Variants in PPFIA2 observed in about 807,000 individuals in gnomAD.
PPFIA2 encodes the protein liprin-alpha-2.
Under a neutral mutation model 175.5 loss-of-function variants are expected in PPFIA2, and 46 were observed. That is an observed-to-expected ratio of 0.26 (90% confidence interval 0.21 to 0.34). The LOEUF (loss-of-function observed/expected upper bound fraction) is 0.34. Ranked by LOEUF, PPFIA2 falls within the 10% of genes least tolerant of loss-of-function variation. The pLI is 1.00. For synonymous variants in PPFIA2, 568 were observed against 511.4 expected, an observed-to-expected ratio of 1.11 and a Z score of -1.49; for missense variants, 1,179 against 1,506.1, an observed-to-expected ratio of 0.78 and a Z score of 3.60.
intron 4 of PPFIA2, among the ~76,000 whole-genome samples, chr12:81,568,446 C>T (rs1254773170): frequency 6.6e-6 from 1 of 152,174 alleles, no homozygotes; most frequent in Non-Finnish European, 1.5e-5. Context: ...TTAGACTTTC[C>T]TTAGCTAAGC....
intron 24 of PPFIA2, chr12:81,292,554 T>C (rs1402764873): frequency 1.3e-5 from 2 of 152,154 alleles, no homozygotes; most frequent in Non-Finnish European, 2.9e-5. Context: ...CCTATGATTT[T>C]CTTAATAATA....
chr12:81,363,269 T>C (rs866718059), intron 14 of PPFIA2, among the ~76,000 whole-genome samples: 1 of 151,076 alleles, frequency 6.6e-6, no homozygotes, highest in Non-Finnish European at 1.5e-5. Flanking sequence ...GGAGGATTTT[T>C]TTAAAAAATA....
At chr12:81,665,235 T>C (rs1025830151) in intron 4 of PPFIA2, among the ~76,000 whole-genome samples, 2 of 152,034 alleles carry the variant, frequency 1.3e-5, no homozygotes, top group Non-Finnish European at 2.9e-5. Context: ...GAAGACTCTT[T>C]TTCTAACCCA....
chr12:81,469,150 AT>A (rs1432717848), intron 4 of PPFIA2, among the ~76,000 whole-genome samples: 1 of 152,204 alleles, frequency 6.6e-6, no homozygotes, highest in Non-Finnish European at 1.5e-5. Context: ...TAATTACTCA[AT>A]TTTTTATGTC....
chr12:81,572,782 T>C (rs1284766715), intron 4 of PPFIA2, among the ~76,000 whole-genome samples: 1 of 151,950 alleles, frequency 6.6e-6, no homozygotes, highest in East Asian at 1.9e-4. Context: ...TTTGAAGAAC[T>C]GGCTGATTTC....
chr12:81,361,100 C>T (rs886837978), intron 15 of PPFIA2, among the ~76,000 whole-genome samples: 58 of 151,554 alleles, frequency 3.8e-4, no homozygotes, highest in Admixed American at 3.8e-3. Flanking sequence ...TCTATATAGG[C>T]CAAATCATCC....
intron 20 of PPFIA2, among the ~76,000 whole-genome samples, chr12:81,339,580 G>C (rs1417256441): frequency 6.6e-6 from 1 of 150,852 alleles, no homozygotes; most frequent in Non-Finnish European, 1.5e-5. Context: ...TACTTTTTTG[G>C]TATAATCTCA....
At chr12:81,562,664 G>A (rs931283873) in intron 4 of PPFIA2, among the ~76,000 whole-genome samples, 3 of 150,796 alleles carry the variant, frequency 2.0e-5, no homozygotes, top group Non-Finnish European at 3.0e-5. Flanking sequence ...CGGCTAAAAC[G>A]GTGAAACCCC....
rs867085542 is a variant in PPFIA2 at position 81,375,792 on chromosome 12, G to A, written c.1131+4C>T. 6.2e-7 allele frequency: 1 copy of A among 1,602,408 alleles called. No individual in the cohort carries two copies. The highest frequency in any genetic ancestry group is 8.5e-7 in the Non-Finnish European group (1 of 1,170,562). On this transcript the variant is annotated splice_donor_region_variant and intron_variant, in intron 10 of 32. Coordinates refer to ENST00000549396, the MANE Select transcript of PPFIA2 (RefSeq NM_003625.5). ...AGAAGAAAACCAAGACAGAGATACT[G>A]AACCTGCCGCAGGATAGCTTCTTTA...
chr12:81,648,714 G>A (rs928092407), intron 4 of PPFIA2, among the ~76,000 whole-genome samples: 4 of 151,588 alleles, frequency 2.6e-5, no homozygotes, highest in Non-Finnish European at 1.5e-5. Context: ...GGAAAAATAA[G>A]AACAAAATTG....
At chr12:81,392,307 A>C (rs978974316) in intron 8 of PPFIA2, among the ~76,000 whole-genome samples, 7 of 151,888 alleles carry the variant, frequency 4.6e-5, no homozygotes, top group African/African-American at 1.7e-4. Context: ...GGAGAAGCAG[A>C]TTTGTGGTTA....
At chr12:81,538,321 A>T (rs1435685493) in intron 4 of PPFIA2, among the ~76,000 whole-genome samples, 1 of 151,910 alleles carries the variant, frequency 6.6e-6, no homozygotes. Context: ...TGATCAATCC[A>T]TTCCTCCATT....
At chr12:81,497,982 A>T (rs374211052) in intron 4 of PPFIA2, among the ~76,000 whole-genome samples, 41 of 152,302 alleles carry the variant, frequency 2.7e-4, no homozygotes, top group African/African-American at 9.9e-4. Flanking sequence ...GGTTTGGAAA[A>T]GACACAGACA....
chr12:81,636,579 A>T (rs1408297533), intron 4 of PPFIA2, among the ~76,000 whole-genome samples: 2 of 122,630 alleles, frequency 1.6e-5, no homozygotes, highest in African/African-American at 3.0e-5. Flanking sequence ...CTCTGATATT[A>T]AAAAAAAAAA....
chr12:81,561,808 C>T (rs932706125), intron 4 of PPFIA2, among the ~76,000 whole-genome samples: 2 of 152,152 alleles, frequency 1.3e-5, no homozygotes, highest in South Asian at 4.1e-4. Context: ...GAGTCTGGTT[C>T]AAACTTTACC....
chr12:81,352,366 T>TG (rs1566367138), intron 17 of PPFIA2, among the ~76,000 whole-genome samples: 1 of 145,732 alleles, frequency 6.9e-6, no homozygotes, highest in Non-Finnish European at 1.5e-5. Flanking sequence ...GGGTGGGCAG[T>TG]GGGGGGCAGA....
intron 20 of PPFIA2, 127 bp from the exon 21 acceptor site, chr12:81,339,461 T>G: frequency 1.3e-6 from 1 of 787,102 alleles, no homozygotes; most frequent in Non-Finnish European, 1.7e-6. Context: ...TATTTTCCCA[T>G]GTTTCCTTTT....
At chr12:81,724,349 G>A (rs12426253) in intron 3 of PPFIA2, among the ~76,000 whole-genome samples, 15,992 of 150,534 alleles carry the variant, frequency 0.11, 1,115 homozygotes, top group Non-Finnish European at 0.15. Context: ...TATAAATTTA[G>A]GGGGTACAAA....
intron 4 of PPFIA2, among the ~76,000 whole-genome samples, chr12:81,581,147 A>G (rs1595215430): frequency 1.2e-5 from 1 of 85,574 alleles, no homozygotes; most frequent in African/African-American, 4.6e-5. Context: ...TGTCATAGAC[A>G]CTTTTTTTTT....
Sources: gnomAD v4.1 joint callset for allele counts (sites outside exome capture counted in the v4.1 genomes callset) on GRCh38, gnomAD v4.1.1 for gene constraint, MANE v1.5 for transcripts, NCBI Gene and HGNC (gene_info 2026-07-23, HGNC 2026-07-21) for gene names.